The following FMN1 variants were observed in gnomAD, a reference collection of about 807,000 sequenced individuals.
FMN1 encodes the protein formin 1, also known as formin-1.
In FMN1, 110 loss-of-function variants were observed where a neutral mutation model predicts 132.4. That is an observed-to-expected ratio of 0.83 (90% CI 0.71 to 0.97). FMN1 has a LOEUF of 0.97. Ranked by LOEUF, FMN1 falls within the 50% of genes least tolerant of loss-of-function variation. The probability of loss-of-function intolerance (pLI) is 0.00; values close to 1 mark genes in which losing one functional copy is unlikely to be tolerated. For synonymous variants in FMN1, 722 were observed against 651.7 expected, an observed-to-expected ratio of 1.11 and a Z score of -1.64; for missense variants, 1,792 against 1,705.3, an observed-to-expected ratio of 1.05 and a Z score of -0.90.
intron 7 of FMN1, among the ~76,000 whole-genome samples, chr15:32,977,466 T>G (rs1243199289): frequency 6.6e-6 from 1 of 152,244 alleles, no homozygotes; most frequent in Non-Finnish European, 1.5e-5. Flanking sequence ...TTCTTGGCTC[T>G]CAGGTGGAAA....
chr15:32,968,786 C>T lies in FMN1; in HGVS notation c.2915G>A (p.Arg972Gln), dbSNP rs772848712. 2.5e-6 allele frequency: 4 copies of T among 1,610,490 alleles called. No individual in the cohort carries two copies. Among genetic ancestry groups the T allele is most frequent in the East Asian group, 2.2e-5 (1 of 44,736 alleles). The change falls in exon 8 of 21, where the codon CGA becomes CAA. Residue 972 changes from arginine (R) to glutamine (Q), a missense_variant. This residue lies in a region of FMN1 where 1,150 missense variants were observed against 1,043.1 expected (regional missense o/e 1.10). Coordinates refer to ENST00000616417, the MANE Select transcript of FMN1 (RefSeq NM_001277313.2). The stretch of plus-strand genomic sequence containing the variant: ...ACAACTGGGCTCGATGGCTGGTTTT[C>T]GAGGACATTGACTGGAAGAAGAGCC... Reference protein sequence around the residue: ...GLGSSSSQCPRKPAIEPSCPM... With the variant: ...GLGSSSSQCPQKPAIEPSCPM...
intron 4 of FMN1, among the ~76,000 whole-genome samples, chr15:33,125,788 A>C (rs1963003677): frequency 6.6e-6 from 1 of 152,190 alleles, no homozygotes; most frequent in African/African-American, 2.4e-5. Context: ...CCACTGTTTT[A>C]GTGACTGAGC....
chr15:33,100,214 C>G (rs2039241488), intron 4 of FMN1, among the ~76,000 whole-genome samples: 1 of 111,038 alleles, frequency 9.0e-6, no homozygotes, highest in African/African-American at 3.9e-5. Context: ...GAGTCTTAAA[C>G]TTTCACAGTA....
chr15:33,035,346 A>C (rs796219555), intron 6 of FMN1, among the ~76,000 whole-genome samples: 18 of 152,326 alleles, frequency 1.2e-4, no homozygotes, highest in African/African-American at 4.1e-4. Flanking sequence ...GCTACGATTA[A>C]AATAAAAAAT....
chr15:32,903,754 G>A (rs1464455873), intron 12 of FMN1, among the ~76,000 whole-genome samples: 6 of 152,166 alleles, frequency 3.9e-5, no homozygotes, highest in African/African-American at 1.2e-4. Context: ...AATATGAGGC[G>A]ACAAGACCAT....
chr15:33,076,668 AT>A (rs2038223635), intron 5 of FMN1, among the ~76,000 whole-genome samples: 3 of 152,318 alleles, frequency 2.0e-5, no homozygotes, highest in African/African-American at 7.2e-5. Context: ...CATTTGACAG[AT>A]TATTACTGTC....
At chr15:33,033,033 G>A (rs1288397125) in intron 6 of FMN1, among the ~76,000 whole-genome samples, 1 of 151,988 alleles carries the variant, frequency 6.6e-6, no homozygotes, top group African/African-American at 2.4e-5. Context: ...TTTCGTTTTC[G>A]TTTGTTTTTT....
At chr15:33,094,118 G>A (rs1337373970) in intron 4 of FMN1, among the ~76,000 whole-genome samples, 1 of 152,210 alleles carries the variant, frequency 6.6e-6, no homozygotes, top group Non-Finnish European at 1.5e-5. Context: ...CAAGTTAAGA[G>A]CGTGGGTACA....
intron 5 of FMN1, among the ~76,000 whole-genome samples, chr15:33,077,754 G>A (rs1440703414): frequency 2.8e-5 from 4 of 145,292 alleles, no homozygotes; most frequent in Admixed American, 7.1e-5. Context: ...CTGACAAAGG[G>A]CTAATATCCA....
chr15:32,902,236 G>A (rs1449441671), intron 12 of FMN1, among the ~76,000 whole-genome samples, 196 bp from the exon 13 acceptor site: 1 of 152,178 alleles, frequency 6.6e-6, no homozygotes, highest in African/African-American at 2.4e-5. Context: ...TTTTAAAGGA[G>A]TTCTAGCATG....
At chr15:33,117,633 A>C (rs1417108250) in intron 4 of FMN1, among the ~76,000 whole-genome samples, 1 of 152,138 alleles carries the variant, frequency 6.6e-6, no homozygotes, top group Non-Finnish European at 1.5e-5. Context: ...GAGATATTTA[A>C]CAAATGTTTT....
At chr15:33,046,612 T>C (rs1248407677) in intron 6 of FMN1, among the ~76,000 whole-genome samples, 3 of 152,156 alleles carry the variant, frequency 2.0e-5, no homozygotes, top group Non-Finnish European at 4.4e-5. Flanking sequence ...GTTTCATAAT[T>C]TTTCTTTGTG....
intron 16 of FMN1, among the ~76,000 whole-genome samples, chr15:32,884,611 A>T (rs1348354665): frequency 6.6e-6 from 1 of 152,178 alleles, no homozygotes; most frequent in Non-Finnish European, 1.5e-5. Context: ...TATTCTGCCT[A>T]CCACATATGG....
chr15:33,155,849 C>T (rs1964650963), intron 3 of FMN1, among the ~76,000 whole-genome samples: 1 of 152,120 alleles, frequency 6.6e-6, no homozygotes, highest in South Asian at 2.1e-4. Context: ...TGGCTGCTTC[C>T]TTGTGTGATA....
intron 6 of FMN1, chr15:33,063,757 T>C (rs1367310630): frequency 6.6e-6 from 1 of 152,250 alleles, no homozygotes; most frequent in Non-Finnish European, 1.5e-5. Flanking sequence ...GCTACTTCTA[T>C]GCTTCAATTA....
chr15:33,050,716 G>T (rs541210992), intron 6 of FMN1, among the ~76,000 whole-genome samples: 1 of 152,278 alleles, frequency 6.6e-6, no homozygotes, highest in South Asian at 2.1e-4. Context: ...TTCCACTTCA[G>T]TCCTATCAAG....
chr15:33,051,622 T>C (rs750064565), intron 6 of FMN1, among the ~76,000 whole-genome samples: 1 of 152,162 alleles, frequency 6.6e-6, no homozygotes, highest in Non-Finnish European at 1.5e-5. Context: ...GGCTCAAGCA[T>C]GGGCATGAAG....
In FMN1 at chr15:32,969,204, G is replaced by A; in HGVS notation, c.2497C>T (p.Leu833=). The change falls in exon 8 of 21, where the codon CTG becomes TTG. Residue 833 remains leucine (L), a synonymous_variant. Transcript: ENST00000616417. The part of the protein sequence containing the change: ...TRSNQLVPKK[L]NISSLSQLSP... ...AGCTGGCTTAAAGAGGAGATATTCA[G>A]CTTTTTGGGTACTAATTGATTACTT... 1 of 1,613,894 alleles carries A rather than the reference G, an allele frequency of 6.2e-7. No individual in the cohort carries two copies. The highest frequency in any genetic ancestry group is 8.5e-7 in the Non-Finnish European group (1 of 1,179,874).
chr15:33,163,640 G>A (rs186819571), intron 3 of FMN1, among the ~76,000 whole-genome samples: 24 of 130,132 alleles, frequency 1.8e-4, no homozygotes, highest in East Asian at 8.6e-4. Flanking sequence ...TTTTTGAGAC[G>A]GAGTTTCACT....
Sources: gnomAD v4.1 joint callset for allele counts (sites outside exome capture counted in the v4.1 genomes callset) on GRCh38, gnomAD v4.1.1 for gene constraint, gnomAD v4.1.1 regional missense constraint, MANE v1.5 for transcripts, NCBI Gene and HGNC (gene_info 2026-07-23, HGNC 2026-07-21) for gene names.